COPS3: variants seen among roughly 807,000 people sequenced by gnomAD.
The protein encoded by COPS3 is COP9 signalosome subunit 3, also known as COP9 signalosome complex subunit 3.
Under a neutral mutation model 58.2 loss-of-function variants are expected in COPS3, and 10 were observed. The observed-to-expected ratio is 0.17, with a 90% CI of 0.11 to 0.29. COPS3 has a LOEUF of 0.29. COPS3 is among the 10% of genes least tolerant of loss of function. COPS3 has a pLI of 1.00. For missense variants in COPS3, 333 were observed against 510.1 expected, an observed-to-expected ratio of 0.65 and a Z score of 3.34; for synonymous variants, 187 against 181.7, an observed-to-expected ratio of 1.03 and a Z score of -0.24.
At chr17:17,259,962 T>C (rs1479349789) in intron 8 of COPS3, among the ~76,000 whole-genome samples, 1 of 151,890 alleles carries the variant, frequency 6.6e-6, no homozygotes, top group African/African-American at 2.4e-5. Context: ...GCAAGGCTGG[T>C]GACAGTGCAC....
In COPS3 at chr17:17,253,985, C is replaced by T. The variant is rs139139178; in HGVS notation, c.1023+874G>A. Among the ~76,000 whole-genome samples the T allele has an allele frequency of 1.0e-4, 15 of 143,882 alleles. No homozygotes were observed. In the East Asian group the frequency reaches 2.1e-3, roughly 20 times the overall value. The allele number at this position is 143,882 out of a possible 152,430, so 94.4% of individuals were successfully genotyped here. On this transcript the variant is annotated intron_variant, in intron 9 of 11. Coordinates refer to ENST00000268717, the MANE Select transcript of COPS3 (RefSeq NM_003653.4). Reference sequence around the variant, plus strand: ...CAGCCTGGGCAACAAAGCGAGAGTCCGCCTCAAAATAAAATAAAAGAAAAT... The same window carrying T: ...CAGCCTGGGCAACAAAGCGAGAGTCTGCCTCAAAATAAAATAAAAGAAAAT...
chr17:17,257,848 T>C (rs1418427126), intron 8 of COPS3, among the ~76,000 whole-genome samples: 1 of 150,346 alleles, frequency 6.7e-6, no homozygotes, highest in Non-Finnish European at 1.5e-5. Context: ...TCTACTAAAA[T>C]GTTAACACAA....
chr17:17,264,525 G>A (rs921855183), intron 6 of COPS3, among the ~76,000 whole-genome samples: 1 of 152,170 alleles, frequency 6.6e-6, no homozygotes, highest in Non-Finnish European at 1.5e-5. Context: ...AAGCTATAAA[G>A]GTCAAGAGAT....
chr17:17,249,972 C>CA (rs1400949776), intron 9 of COPS3, among the ~76,000 whole-genome samples: 2 of 152,124 alleles, frequency 1.3e-5, no homozygotes, highest in South Asian at 4.1e-4. Flanking sequence ...ATGCATTCTA[C>CA]AATGTTGTGC....
Position 17,248,946 on chromosome 17 carries a change from G to A in COPS3, c.1117C>T (p.Leu373Phe). The A allele has an allele frequency of 3.7e-6, 6 of 1,600,472 alleles. No individual in the cohort carries two copies. Among genetic ancestry groups the A allele is most frequent in the Non-Finnish European group, 5.1e-6 (6 of 1,172,474 alleles). ...TTTACCTCCTGATCAATGTTATGAA[G>A]CATGGCTGGGTTATTATATTTTTCA... ...NPEKYNNPAM[L>F]HNIDQEMLKC... The change falls in exon 10 of 12, where the codon CTT (leucine) becomes TTT (phenylalanine). Residue 373 changes from leucine to phenylalanine, a missense_variant. Coordinates refer to ENST00000268717, the MANE Select transcript of COPS3 (RefSeq NM_003653.4).
In COPS3 at chr17:17,280,705, C is replaced by G. The variant is rs1191044632; in HGVS notation, c.55+427G>C. On this transcript the variant is annotated intron_variant, in intron 1 of 11. Transcript: ENST00000268717. Reference sequence around the variant, plus strand: ...AGACACCCAGAACGGACTCGCCTCCCGCCCGCTCCCGGCGGCCTAGTCAGC... The same window carrying G: ...AGACACCCAGAACGGACTCGCCTCCGGCCCGCTCCCGGCGGCCTAGTCAGC... The G allele has an allele frequency of 2.4e-6, 3 of 1,265,924 alleles. No individual in the cohort carries two copies. In the African/African-American group the frequency reaches 4.7e-5, roughly 20 times the overall value. The allele number at this position is 1,265,924 out of a possible 1,614,324, so 78.4% of individuals were successfully genotyped here. A position where few individuals can be genotyped will look rare whatever the true frequency, so the allele number is the denominator to read the frequency against.
chr17:17,267,059 C>T (rs1326788451), intron 5 of COPS3, among the ~76,000 whole-genome samples: 3 of 150,878 alleles, frequency 2.0e-5, no homozygotes, highest in Non-Finnish European at 4.4e-5. Flanking sequence ...AGTTACAGGC[C>T]GGGCACAGTG....
chr17:17,265,011 T>C (rs760238985), intron 5 of COPS3, 30 bp from the exon 6 acceptor site: 1 of 1,586,258 alleles, frequency 6.3e-7, no homozygotes, highest in Non-Finnish European at 8.5e-7. Context: ...AAATCATCAC[T>C]TTAATTTTAC....
chr17:17,280,498 T>C (rs1302131474), intron 1 of COPS3: 1 of 1,135,148 alleles, frequency 8.8e-7, no homozygotes, highest in Non-Finnish European at 1.1e-6. Context: ...AGGCTGAGGT[T>C]GCAGTGAGCC....
rs150618841 is a variant in COPS3 at position 17,258,919 on chromosome 17, A to G, written c.936+1382T>C. ...TCTAGAAGCTATGGCTAGTCTTTCT[A>G]GAGTATTTGGAAGGATTCTTTTTCT... is the stretch of plus-strand genomic sequence containing the variant. On this transcript the variant is annotated intron_variant, in intron 8 of 11. Transcript: ENST00000268717. Among the ~76,000 whole-genome samples, 563 of 152,286 alleles carry G rather than the reference A, an allele frequency of 3.7e-3. 3 individuals carry two copies. The highest frequency in any genetic ancestry group is 0.013 in the African/African-American group (521 of 41,538).
At chr17:17,280,473 T>C in intron 1 of COPS3, 1 of 964,330 alleles carries the variant, frequency 1.0e-6, no homozygotes, top group Non-Finnish European at 1.3e-6. Context: ...GACAGGAGAA[T>C]CGCTTGAAGC....
chr17:17,265,472 C>A (rs1014762687), intron 5 of COPS3, among the ~76,000 whole-genome samples: 1 of 151,182 alleles, frequency 6.6e-6, no homozygotes, highest in African/African-American at 2.4e-5. Context: ...CATCTCAGCT[C>A]ACTGCAACCT....
At chr17:17,253,050 ACC>A (rs1442303144) in intron 9 of COPS3, among the ~76,000 whole-genome samples, 5 of 152,068 alleles carry the variant, frequency 3.3e-5, no homozygotes, top group Admixed American at 6.6e-5. Context: ...ACATAAAGAG[ACC>A]CTGCCTGTAC....
chr17:17,255,282 A>C (rs1157994525), intron 8 of COPS3, among the ~76,000 whole-genome samples: 1 of 151,652 alleles, frequency 6.6e-6, no homozygotes, highest in African/African-American at 2.4e-5. Context: ...CCTGGGTGAC[A>C]AAGTGAGACT....
At chr17:17,257,417 T>C (rs1381878587) in intron 8 of COPS3, among the ~76,000 whole-genome samples, 3 of 149,524 alleles carry the variant, frequency 2.0e-5, no homozygotes, top group Non-Finnish European at 4.4e-5. Flanking sequence ...GGGTCAAGAA[T>C]AGCACGTAGA....
chr17:17,280,869 G>A lies in COPS3; in HGVS notation c.55+263C>T, dbSNP rs934110620. Reference sequence around the variant, plus strand: ...AAACTGTCAAGCAAAGCGCCCGGTGGAAGGGGCCCAGGCCGGGGGGAGGGG... The same window carrying A: ...AAACTGTCAAGCAAAGCGCCCGGTGAAAGGGGCCCAGGCCGGGGGGAGGGG... On this transcript the variant is annotated intron_variant, in intron 1 of 11. Coordinates refer to ENST00000268717, the MANE Select transcript of COPS3 (RefSeq NM_003653.4). The A allele has an allele frequency of 1.2e-5, 13 of 1,094,524 alleles. No homozygotes were observed. The Admixed American group carries it at 1.6e-4, about 13-fold the overall frequency. 67.8% of individuals were successfully genotyped at this position (1,094,524 alleles called of 1,614,324 possible). A position where few individuals can be genotyped will look rare whatever the true frequency, so the allele number is the denominator to read the frequency against.
At chr17:17,273,845 T>C (rs1326871935) in intron 2 of COPS3, among the ~76,000 whole-genome samples, 2 of 152,022 alleles carry the variant, frequency 1.3e-5, no homozygotes, top group East Asian at 3.9e-4. Context: ...GAACAAGACC[T>C]TGTCCCCCCA....
intron 7 of COPS3, chr17:17,261,592 GCA>G: frequency 2.6e-6 from 1 of 389,420 alleles, no homozygotes; most frequent in Non-Finnish European, 5.0e-6. Context: ...AGGCTCAGTG[GCA>G]CACACCTGTA....
At chr17:17,248,825 T>A (rs1438910176) in intron 10 of COPS3, 101 bp downstream of exon 10, 1 of 703,986 alleles carries the variant, frequency 1.4e-6, no homozygotes, top group African/African-American at 1.8e-5. Context: ...GACTGGGAAC[T>A]ACCTGTACTT....
Sources: gnomAD v4.1 joint callset for allele counts (sites outside exome capture counted in the v4.1 genomes callset) on GRCh38, gnomAD v4.1.1 for gene constraint, MANE v1.5 for transcripts, NCBI Gene and HGNC (gene_info 2026-07-23, HGNC 2026-07-21) for gene names.